Variants in ARFGEF2 observed in about 807,000 individuals in gnomAD.
ARFGEF2 encodes ARF guanine nucleotide exchange factor 2.
In ARFGEF2, 74 loss-of-function variants were observed where a neutral mutation model predicts 219.9. The observed-to-expected ratio is 0.34, with a 90% CI of 0.28 to 0.41. The LOEUF (loss-of-function observed/expected upper bound fraction) is 0.41, where lower values mean the gene tolerates loss of function less well. Ranked by LOEUF, ARFGEF2 falls within the 10% of genes least tolerant of loss-of-function variation. The pLI, the probability that ARFGEF2 is intolerant of heterozygous loss-of-function variation, is 1.00. For synonymous variants in ARFGEF2, 733 were observed against 799.2 expected, an observed-to-expected ratio of 0.92 and a Z score of 1.40; for missense variants, 1,743 against 2,218.3, an observed-to-expected ratio of 0.79 and a Z score of 4.30.
intron 25 of ARFGEF2, among the ~76,000 whole-genome samples, chr20:48,999,030 G>GT (rs1021863990): frequency 6.6e-6 from 1 of 151,908 alleles, no homozygotes. Context: ...AAGGTCAGGA[G>GT]TTTGAGACCA....
rs41296217 is a variant in ARFGEF2 at position 48,991,165 on chromosome 20, C to T, written c.2940C>T (p.Thr980=). ...AGACGCTTATCACAGTGGCTCACAC[C>T]GATGGCAACTACCTTGGGAATTCCT... ...TIKTLITVAH[T]DGNYLGNSWH... is the part of the protein sequence containing the mutation. Residue 980 remains threonine (T), a synonymous_variant, in exon 21 of 39, where the codon ACC becomes ACT. Coordinates refer to ENST00000371917, the MANE Select transcript of ARFGEF2 (RefSeq NM_006420.3). The T allele has an allele frequency of 5.1e-4, 826 of 1,614,194 alleles. 1 individual carries two copies. The highest frequency in any genetic ancestry group is 6.5e-4 in the Non-Finnish European group (767 of 1,180,046).
intron 1 of ARFGEF2, among the ~76,000 whole-genome samples, chr20:48,929,776 A>G (rs2090901910): frequency 6.6e-6 from 1 of 152,214 alleles, no homozygotes; most frequent in Non-Finnish European, 1.5e-5. Flanking sequence ...AAACTGAAAG[A>G]GGCCAGTGTG....
chr20:49,032,946 G>T (rs2091645334), intron 38 of ARFGEF2, 77 bp from the exon 39 acceptor site: 52 of 1,368,694 alleles, frequency 3.8e-5, no homozygotes, highest in Non-Finnish European at 5.2e-5. Context: ...TCCAGGGTGA[G>T]ATTAACACTT....
chr20:49,028,562 A>C lies in ARFGEF2; in HGVS notation c.4957A>C (p.Lys1653Gln). 7 of 1,614,218 alleles carry C rather than the reference A, an allele frequency of 4.3e-6. No homozygotes were observed. The highest frequency in any genetic ancestry group is 5.9e-6 in the Non-Finnish European group (7 of 1,180,030). ...FKGKSKPNLLKQETSSLACCL... is the reference protein window; with the variant it reads ...FKGKSKPNLLQQETSSLACCL... ...GGGCAAGTCTAAACCCAATCTTCTA[A>C]AACAAGAAACCAGCAGCCTGGCCTG... is the stretch of plus-strand genomic sequence containing the variant. The change falls in exon 37 of 39, where the codon AAA becomes CAA. Residue 1653 changes from lysine to glutamine, a missense_variant. Around this residue, in one of 5 missense-constraint regions of ARFGEF2, gnomAD observed 578 missense variants for 664.0 expected, o/e 0.87. Coordinates refer to ENST00000371917, the MANE Select transcript of ARFGEF2 (RefSeq NM_006420.3).
chr20:49,013,248 C>G (rs554741057), intron 28 of ARFGEF2, among the ~76,000 whole-genome samples: 2 of 152,202 alleles, frequency 1.3e-5, no homozygotes, highest in Non-Finnish European at 1.5e-5. Flanking sequence ...AATGATACAT[C>G]CTGGATATTT....
At chr20:48,926,204 AGTT>A (rs2090875957) in intron 1 of ARFGEF2, among the ~76,000 whole-genome samples, 1 of 152,194 alleles carries the variant, frequency 6.6e-6, no homozygotes, top group Non-Finnish European at 1.5e-5. Flanking sequence ...TCCATATGAA[AGTT>A]GTTATGTTTG....
At chr20:48,940,646 T>C (rs546415617) in intron 1 of ARFGEF2, among the ~76,000 whole-genome samples, 1 of 152,244 alleles carries the variant, frequency 6.6e-6, no homozygotes, top group East Asian at 1.9e-4. Context: ...TAGTTCTTGA[T>C]GTGCAACAGT....
In ARFGEF2 at chr20:49,033,081, T is replaced by G. The variant is rs1437293387; in HGVS notation, c.5240T>G (p.Leu1747Arg). The G allele has an allele frequency of 6.2e-7, 1 of 1,614,140 alleles. No individual in the cohort carries two copies. The highest frequency in any genetic ancestry group is 1.1e-5 in the South Asian group (1 of 91,080). The change falls in exon 39 of 39, where the codon CTG (leucine) becomes CGG (arginine). Residue 1747 changes from leucine to arginine, a missense_variant. By Grantham distance (102) the Leu-to-Arg change is moderately radical. Transcript: ENST00000371917. ...PYLCEIMQFD[L>R]IPELRAVLRK... ...TTGTGTGAAATTATGCAGTTTGACC[T>G]GATCCCTGAGCTCCGAGCAGTTCTG...
Position 49,021,844 on chromosome 20 carries a change from C to CAA in ARFGEF2, c.4625-1192_4625-1191dup, listed in dbSNP as rs71337480. On this transcript the variant is annotated intron_variant, in intron 34 of 38. Transcript: ENST00000371917. The stretch of plus-strand genomic sequence containing the variant: ...TGGGTGACACAGCGAGACTCTGTCT[C>CAA]AAAAAAAAAAAAAAAAGAATTGTTG... Among the ~76,000 whole-genome samples the CAA allele has an allele frequency of 2.5e-3, 279 of 110,074 alleles. 2 individuals carry two copies. The highest frequency in any genetic ancestry group is 5.7e-3 in the African/African-American group (166 of 29,096). The allele number at this position is 110,074 out of a possible 152,430, so 72.2% of individuals were successfully genotyped here. A position where few individuals can be genotyped will look rare whatever the true frequency, so the allele number is the denominator to read the frequency against.
intron 1 of ARFGEF2, among the ~76,000 whole-genome samples, chr20:48,927,012 A>G (rs1372837205): frequency 6.6e-6 from 1 of 152,340 alleles, no homozygotes; most frequent in Middle Eastern, 3.4e-3. Flanking sequence ...GGTGAAAGCC[A>G]GACTGGCATG....
At chr20:48,950,864 A>C (rs1245240454) in intron 3 of ARFGEF2, among the ~76,000 whole-genome samples, 1 of 140,592 alleles carries the variant, frequency 7.1e-6, no homozygotes, top group Admixed American at 7.2e-5. Flanking sequence ...ATATACATGC[A>C]CACACACACA....
chr20:48,939,951 A>G (rs908629935), intron 1 of ARFGEF2, among the ~76,000 whole-genome samples: 2 of 152,218 alleles, frequency 1.3e-5, no homozygotes, highest in African/African-American at 4.8e-5. Context: ...TTTGGAGATG[A>G]TCTGAATACA....
chr20:48,937,670 A>G lies in ARFGEF2; in HGVS notation c.122-3529A>G, dbSNP rs143444590. 4.8e-4 allele frequency among the ~76,000 whole-genome samples: 73 copies of G among 152,336 alleles called. 1 individual carries two copies. The Middle Eastern group carries it at 0.014, about 28-fold the overall frequency. ...AAAATCTGTGAACATAGGATTTGCA[A>G]CTGGAGTTTCTTGGGTTTCTGCAGT... On this transcript the variant is annotated intron_variant, in intron 1 of 38. Coordinates refer to ENST00000371917, the MANE Select transcript of ARFGEF2 (RefSeq NM_006420.3).
intron 1 of ARFGEF2, among the ~76,000 whole-genome samples, chr20:48,939,979 C>T (rs1226006703): frequency 6.6e-6 from 1 of 152,194 alleles, no homozygotes; most frequent in Admixed American, 6.5e-5. Context: ...GAGGACAAAC[C>T]TCCTTCCCAA....
At chr20:48,947,068 A>C (rs954054296) in intron 3 of ARFGEF2, among the ~76,000 whole-genome samples, 3 of 152,088 alleles carry the variant, frequency 2.0e-5, no homozygotes, top group Admixed American at 6.5e-5. Context: ...ATTTTTGAGG[A>C]TATCCTGCCA....
intron 14 of ARFGEF2, among the ~76,000 whole-genome samples, chr20:48,982,300 T>C (rs569677604): frequency 9.2e-5 from 14 of 152,298 alleles, no homozygotes; most frequent in Admixed American, 9.1e-4. Context: ...TTTGCCTGGG[T>C]ATCACCAGCA....
In ARFGEF2 at chr20:48,971,262, G is replaced by A. The variant is rs150152511; in HGVS notation, c.1333G>A (p.Val445Ile). The change falls in exon 10 of 39, where the codon GTC becomes ATC. Residue 445 changes from valine (V) to isoleucine (I), a missense_variant. This residue lies in a region of ARFGEF2 where 666 missense variants were observed against 955.4 expected (regional missense o/e 0.70). Transcript: ENST00000371917. ...CTGTGTGGCCTTGTCCAAAAACGGCGTCTCTTCAGTGCCTGATGTCTTTGA... is the reference window on the plus strand; with the variant it reads ...CTGTGTGGCCTTGTCCAAAAACGGCATCTCTTCAGTGCCTGATGTCTTTGA... ...YLCVALSKNGVSSVPDVFELS... is the reference protein window; with the variant it reads ...YLCVALSKNGISSVPDVFELS... 19 of 1,613,964 alleles carry A rather than the reference G, an allele frequency of 1.2e-5. No individual in the cohort carries two copies. The highest frequency in any genetic ancestry group is 2.2e-5 in the East Asian group (1 of 44,898).
chr20:49,000,638 G>C (rs2123488168), intron 25 of ARFGEF2, among the ~76,000 whole-genome samples: 1 of 152,336 alleles, frequency 6.6e-6, no homozygotes, highest in South Asian at 2.1e-4. Context: ...TGCGACTACT[G>C]TACCTTGTAT....
chr20:48,969,681 C>T (rs962758315), intron 9 of ARFGEF2, among the ~76,000 whole-genome samples: 1 of 152,178 alleles, frequency 6.6e-6, no homozygotes, highest in East Asian at 1.9e-4. Context: ...GCCCCAGATT[C>T]GACACAGGGA....
Sources: allele counts gnomAD v4.1 joint callset (sites outside exome capture counted in the v4.1 genomes callset), GRCh38; gene constraint gnomAD v4.1.1; regional missense constraint gnomAD v4.1.1; transcripts MANE v1.5; gene names NCBI Gene and HGNC (gene_info 2026-07-23, HGNC 2026-07-21).